MON1A: variants seen among roughly 807,000 people sequenced by gnomAD.
The protein encoded by MON1A is vacuolar fusion protein MON1 homolog A.
MON1A carries 29 observed loss-of-function variants against 44.6 expected under a neutral mutation model. The observed-to-expected ratio is 0.65, with a 90% CI of 0.48 to 0.89. MON1A has a LOEUF of 0.89. Among genes scored for constraint, MON1A ranks in the 40% least tolerant of loss-of-function variants. The pLI, the probability that MON1A is intolerant of heterozygous loss-of-function variation, is 0.00. For missense variants in MON1A, 615 were observed against 759.6 expected, an observed-to-expected ratio of 0.81 and a Z score of 2.24; for synonymous variants, 275 against 316.4, an observed-to-expected ratio of 0.87 and a Z score of 1.39.
intron 1 of MON1A, 115 bp downstream of exon 1, chr3:49,929,494 T>C: frequency 8.1e-7 from 1 of 1,240,894 alleles, no homozygotes; most frequent in Non-Finnish European, 1.1e-6. Context: ...GTCTTCCCAT[T>C]GCAAACGATA....
At chr3:49,918,972 AG>A (rs1237814111) in intron 1 of MON1A, among the ~76,000 whole-genome samples, 1 of 152,164 alleles carries the variant, frequency 6.6e-6, no homozygotes, top group African/African-American at 2.4e-5. Context: ...ACTTGAGCCT[AG>A]GAGTTTGAGA....
Position 49,908,982 on chromosome 3 carries a change from G to T in MON1A, c.*32C>A. On this transcript the variant is annotated 3_prime_UTR_variant, in exon 6 of 6. Coordinates refer to ENST00000296473, the MANE Select transcript of MON1A (RefSeq NM_032355.4). ...TCCTATGGCTTCCCACACCTAGTGT[G>T]TCCAGGAAGGCTGAGCCCGCACACA... 1 of 1,589,710 alleles carries T rather than the reference G, an allele frequency of 6.3e-7. No homozygotes were observed. The highest frequency in any genetic ancestry group is 8.6e-7 in the Non-Finnish European group (1 of 1,165,312).
chr3:49,915,986 C>T (rs2082939712), intron 1 of MON1A: 1 of 152,176 alleles, frequency 6.6e-6, no homozygotes, highest in Non-Finnish European at 1.5e-5. Flanking sequence ...TTCCAGGTAC[C>T]AATCCTTTAA....
chr3:49,924,239 G>A (rs986605673), intron 1 of MON1A, among the ~76,000 whole-genome samples: 1 of 152,078 alleles, frequency 6.6e-6, no homozygotes, highest in Admixed American at 6.6e-5. Flanking sequence ...TTTCACCATA[G>A]AATGCCTTTT....
chr3:49,918,345 A>T (rs1019927529), intron 1 of MON1A, among the ~76,000 whole-genome samples: 1 of 152,010 alleles, frequency 6.6e-6, no homozygotes, highest in African/African-American at 2.4e-5. Flanking sequence ...CTCAAAAAAA[A>T]AGAACAAAAA....
chr3:49,912,750 CAG>C (rs373757307), intron 2 of MON1A: 4 of 248,150 alleles, frequency 1.6e-5, no homozygotes, highest in African/African-American at 6.7e-5. Context: ...AATAGTTTAA[CAG>C]ATATATTTTG....
Position 49,910,284 on chromosome 3 carries a change from G to T in MON1A, c.1214C>A (p.Ala405Glu). The T allele has an allele frequency of 1.2e-6, 2 of 1,614,200 alleles. No individual in the cohort carries two copies. Among genetic ancestry groups the T allele is most frequent in the South Asian group, 1.1e-5 (1 of 91,090 alleles). ...LVSTDREDFFAVSDCRRRFQE... is the reference protein window; with the variant it reads ...LVSTDREDFFEVSDCRRRFQE... ...GAAGCGGCGGCGGCAGTCAGAGACT[G>T]CAAAGAAGTCCTCACGGTCAGTGGA... The change falls in exon 4 of 6, where the codon GCA (alanine) becomes GAA (glutamate). Residue 405 changes from alanine (A) to glutamate (E), a missense_variant. Ala to Glu is a moderately radical substitution (Grantham distance 107). Transcript: ENST00000296473. The surrounding 1 kb of genome is among the most constrained non-coding windows in gnomAD (Gnocchi z 8.0).
At chr3:49,922,014 G>A (rs2083000438) in intron 1 of MON1A, among the ~76,000 whole-genome samples, 3 of 151,906 alleles carry the variant, frequency 2.0e-5, no homozygotes, top group Non-Finnish European at 2.9e-5. Flanking sequence ...GTGCATGCCT[G>A]TAATCCCAGC....
At chr3:49,918,382 C>T (rs1258817960) in intron 1 of MON1A, among the ~76,000 whole-genome samples, 3 of 151,404 alleles carry the variant, frequency 2.0e-5, no homozygotes, top group South Asian at 2.1e-4. Flanking sequence ...ATTACCACCA[C>T]GAGCTTACCT....
intron 1 of MON1A, among the ~76,000 whole-genome samples, chr3:49,927,401 C>A (rs2083060403): frequency 6.6e-6 from 1 of 152,188 alleles, no homozygotes; most frequent in Admixed American, 6.5e-5. Context: ...ATTAGCACAT[C>A]CTGATTATTC....
At chr3:49,922,463 C>G (rs1213760502) in intron 1 of MON1A, among the ~76,000 whole-genome samples, 1 of 136,688 alleles carries the variant, frequency 7.3e-6, no homozygotes, top group Admixed American at 8.4e-5. Flanking sequence ...CCCTGGGTGA[C>G]AGAGCGAGAC....
At chr3:49,914,511 C>G (rs1467514955) in intron 1 of MON1A, among the ~76,000 whole-genome samples, 2 of 150,426 alleles carry the variant, frequency 1.3e-5, no homozygotes, top group Non-Finnish European at 3.0e-5. Context: ...ATAGCTGGGA[C>G]TACAAGCACA....
chr3:49,913,655 CTAGTA>C (rs1333318047), intron 1 of MON1A, among the ~76,000 whole-genome samples: 8 of 138,498 alleles, frequency 5.8e-5, no homozygotes, highest in Admixed American at 1.5e-4. Context: ...GTATTTCCTT[CTAGTA>C]TTTTTTTTTT....
intron 1 of MON1A, among the ~76,000 whole-genome samples, chr3:49,922,956 G>A (rs1052064531): frequency 1.3e-5 from 2 of 151,524 alleles, no homozygotes; most frequent in African/African-American, 2.4e-5. Context: ...TGATCCGCCT[G>A]CCTTGGCCTC....
chr3:49,928,438 C>T (rs1332717011), intron 1 of MON1A, among the ~76,000 whole-genome samples: 1 of 152,174 alleles, frequency 6.6e-6, no homozygotes, highest in African/African-American at 2.4e-5. Context: ...TCAGGGAACC[C>T]TTCTCAGACA....
At position 49,911,399 on chromosome 3, in the gene MON1A, A is replaced by G; in HGVS notation, c.613+127T>C. 1 of 1,362,844 alleles carries G rather than the reference A, an allele frequency of 7.3e-7. No homozygotes were observed. Among genetic ancestry groups the G allele is most frequent in the Non-Finnish European group, 9.9e-7 (1 of 1,011,940 alleles). The allele number at this position is 1,362,844 out of a possible 1,614,324, so 84.4% of individuals were successfully genotyped here. The stretch of plus-strand genomic sequence containing the variant: ...TTCAGGTGAGGACCTTGAAGCTCAG[A>G]GAGGTAGAGGGACTTACCCTCAGTC... On this transcript the variant is annotated intron_variant, in intron 3 of 5. Transcript: ENST00000296473. This position sits in a 1 kb window ranked among gnomAD's most constrained non-coding sequence, Gnocchi z 5.7.
At chr3:49,928,477 T>A (rs1385970208) in intron 1 of MON1A, among the ~76,000 whole-genome samples, 2 of 152,082 alleles carry the variant, frequency 1.3e-5, no homozygotes, top group Non-Finnish European at 2.9e-5. Flanking sequence ...GGCCTTGCTT[T>A]TCCTAGAAGT....
intron 1 of MON1A, chr3:49,916,720 G>C (rs1320552422): frequency 6.6e-6 from 1 of 152,310 alleles, no homozygotes; most frequent in African/African-American, 2.4e-5. Context: ...TGCCTTGTCA[G>C]ACAGTGGGCC....
chr3:49,922,759 C>T (rs1326985152), intron 1 of MON1A, among the ~76,000 whole-genome samples: 7 of 150,358 alleles, frequency 4.7e-5, no homozygotes, highest in African/African-American at 1.2e-4. Flanking sequence ...AGTGCAATGG[C>T]GCGATCTCAG....
Sources: gnomAD v4.1 joint callset for allele counts (sites outside exome capture counted in the v4.1 genomes callset) on GRCh38, gnomAD v4.1.1 for gene constraint, Gnocchi (gnomAD v3.1) non-coding constraint, MANE v1.5 for transcripts, NCBI Gene and HGNC (gene_info 2026-07-23, HGNC 2026-07-21) for gene names.